The following CXCL13 variants were observed in gnomAD, a reference collection of about 807,000 sequenced individuals.
The protein encoded by CXCL13 is C-X-C motif chemokine 13.
In CXCL13, 7 loss-of-function variants were observed where a neutral mutation model predicts 12.2. The observed-to-expected ratio is 0.57, with a 90% CI of 0.33 to 1.07. CXCL13 has a LOEUF of 1.07. Ranked by LOEUF, CXCL13 falls within the 50% of genes least tolerant of loss-of-function variation. CXCL13 has a pLI of 0.04. For synonymous variants in CXCL13, 47 were observed against 42.4 expected (o/e 1.11, Z -0.42); for missense variants, 113 against 127.4 (o/e 0.89, Z 0.55).
At position 77,559,547 on chromosome 4, in the gene CXCL13, A is replaced by T. The variant is rs1256741930; in HGVS notation, c.-42-46277A>T. On this transcript the variant is annotated intron_variant, in intron 1 of 4. Coordinates refer to the CXCL13 transcript ENST00000286758. ...TTTGAACACATTACAGCTATCGCAC[A>T]GCAACCATCCACCTCTTTCTTCCAT... is the stretch of plus-strand genomic sequence containing the variant. 2.0e-5 allele frequency among the ~76,000 whole-genome samples: 3 copies of T among 152,106 alleles called. No individual in the cohort carries two copies. In the South Asian group the frequency reaches 6.2e-4, roughly 32 times the overall value.
chr4:77,566,216 T>C (rs1290997619), intron 1 of CXCL13, among the ~76,000 whole-genome samples: 1 of 152,220 alleles, frequency 6.6e-6, no homozygotes, highest in African/African-American at 2.4e-5. Context: ...CAAATGGCCT[T>C]ATGGGATAAA....
rs184307797 is a variant in CXCL13, at chr4:77,549,937, G to T, written c.-43+38149G>T. Among the ~76,000 whole-genome samples the T allele has an allele frequency of 6.3e-3, 966 of 152,344 alleles. 6 individuals carry two copies. The highest frequency in any genetic ancestry group is 0.015 in the Admixed American group (224 of 15,298). On this transcript the variant is annotated intron_variant, in intron 1 of 4. Transcript: ENST00000286758. ...GTTGCCTTTTATTCAGCTATGCCCT[G>T]CCCCCAGAGGTGGAGTCTACAGAGG...
At chr4:77,606,666 T>C (rs2109837715) in intron 1 of CXCL13, among the ~76,000 whole-genome samples, 1 of 152,352 alleles carries the variant, frequency 6.6e-6, no homozygotes, top group Admixed American at 6.5e-5. Flanking sequence ...GGCTTTCCCA[T>C]GGCTCCCGGC....
chr4:77,570,696 G>A (rs559197984), intron 1 of CXCL13, among the ~76,000 whole-genome samples: 26 of 152,324 alleles, frequency 1.7e-4, no homozygotes, highest in Non-Finnish European at 2.9e-4. Context: ...GGGGCTGCGC[G>A]CAGCGCTTGT....
chr4:77,585,556 G>A (rs997233274), intron 1 of CXCL13, among the ~76,000 whole-genome samples: 4 of 152,148 alleles, frequency 2.6e-5, no homozygotes, highest in Non-Finnish European at 4.4e-5. Context: ...GAAAGCTGCC[G>A]TTAGCTCTGT....
At chr4:77,591,759 C>G (rs1049195519) in intron 1 of CXCL13, among the ~76,000 whole-genome samples, 3 of 152,112 alleles carry the variant, frequency 2.0e-5, no homozygotes, top group African/African-American at 7.2e-5. Flanking sequence ...CAGCCCTGCC[C>G]CAGCTTCATA....
At chr4:77,530,780 T>A (rs1289222148) in intron 1 of CXCL13, among the ~76,000 whole-genome samples, 3 of 152,208 alleles carry the variant, frequency 2.0e-5, no homozygotes, top group South Asian at 4.1e-4. Context: ...TTCCTTCAGT[T>A]CTGCTCTGAT....
chr4:77,541,997 T>C (rs1314545867), intron 1 of CXCL13, among the ~76,000 whole-genome samples: 1 of 152,152 alleles, frequency 6.6e-6, no homozygotes, highest in Non-Finnish European at 1.5e-5. Context: ...GTTCTTGATT[T>C]GGTTCTCAGC....
In CXCL13 at chr4:77,518,177, T is replaced by C. The variant is rs568635710; in HGVS notation, c.-43+6389T>C. On this transcript the variant is annotated intron_variant, in intron 1 of 4. Coordinates refer to the CXCL13 transcript ENST00000286758. ...GCTGAGAGATCCGCTGTTAGTCTGA[T>C]GGGCTTCCCTTTGTGGGTAACCCGA... is the stretch of plus-strand genomic sequence containing the variant. Among the ~76,000 whole-genome samples, 31 of 152,378 alleles carry C rather than the reference T, an allele frequency of 2.0e-4. 1 individual carries two copies. In the South Asian group the frequency reaches 6.2e-3, roughly 31 times the overall value.
At chr4:77,569,463 C>T (rs1204757824) in intron 1 of CXCL13, among the ~76,000 whole-genome samples, 1 of 152,188 alleles carries the variant, frequency 6.6e-6, no homozygotes, top group Non-Finnish European at 1.5e-5. Flanking sequence ...CATTCCTATA[C>T]TCCAACAACT....
At chr4:77,548,735 T>C (rs558169973) in intron 1 of CXCL13, among the ~76,000 whole-genome samples, 1 of 152,226 alleles carries the variant, frequency 6.6e-6, no homozygotes, top group East Asian at 1.9e-4. Flanking sequence ...CCTTTGTGGG[T>C]AACCCGACCT....
chr4:77,512,110 C>T (rs910500804), intron 1 of CXCL13, among the ~76,000 whole-genome samples: 1 of 152,080 alleles, frequency 6.6e-6, no homozygotes, highest in Non-Finnish European at 1.5e-5. Context: ...AAAGCTCATT[C>T]GACTTAAACT....
intron 1 of CXCL13, among the ~76,000 whole-genome samples, chr4:77,527,938 C>A (rs910575151): frequency 6.6e-6 from 1 of 152,112 alleles, no homozygotes; most frequent in East Asian, 1.9e-4. Flanking sequence ...TATCCCCCCA[C>A]CCCACAACAG....
At chr4:77,540,711 T>C (rs1725188466) in intron 1 of CXCL13, among the ~76,000 whole-genome samples, 1 of 152,202 alleles carries the variant, frequency 6.6e-6, no homozygotes, top group Admixed American at 6.5e-5. Context: ...CTATTGTGAA[T>C]AGTTCTGTGA....
At chr4:77,573,362 T>TTGTGTGTGTGTGTGTG (rs3048191) in intron 1 of CXCL13, among the ~76,000 whole-genome samples, 1 of 134,910 alleles carries the variant, frequency 7.4e-6, no homozygotes, top group African/African-American at 2.8e-5. Flanking sequence ...ATTGGGTCTT[T>TTGTGTGTGTGTGTGTG]TGTGTGTGTG....
intron 1 of CXCL13, among the ~76,000 whole-genome samples, chr4:77,518,065 G>C (rs1282457094): frequency 1.3e-5 from 2 of 152,116 alleles, no homozygotes; most frequent in Non-Finnish European, 2.9e-5. Context: ...GCTTAGTTTG[G>C]CTGGAGATGA....
intron 1 of CXCL13, among the ~76,000 whole-genome samples, chr4:77,583,563 G>A (rs1411818552): frequency 6.6e-6 from 1 of 152,134 alleles, no homozygotes; most frequent in African/African-American, 2.4e-5. Flanking sequence ...CGTCAATGTG[G>A]GCCTTCTTGT....
At chr4:77,581,276 C>T (rs1222630465) in intron 1 of CXCL13, among the ~76,000 whole-genome samples, 1 of 152,112 alleles carries the variant, frequency 6.6e-6, no homozygotes, top group African/African-American at 2.4e-5. Flanking sequence ...CTGTTAAATG[C>T]CATTCAAGCA....
intron 1 of CXCL13, among the ~76,000 whole-genome samples, chr4:77,587,697 A>T: frequency 6.6e-6 from 1 of 152,254 alleles, no homozygotes; most frequent in East Asian, 1.9e-4. Flanking sequence ...AACAAGTAAC[A>T]TACCCAAGGC....
Sources: gnomAD v4.1 joint callset for allele counts (sites outside exome capture counted in the v4.1 genomes callset) on GRCh38, gnomAD v4.1.1 for gene constraint, MANE v1.5 for transcripts, NCBI Gene and HGNC (gene_info 2026-07-23, HGNC 2026-07-21) for gene names.